Variants in CCDC141 observed in about 807,000 individuals in gnomAD.
CCDC141 encodes the protein coiled-coil domain containing 141.
In CCDC141, 168 loss-of-function variants were observed where a neutral mutation model predicts 181.0. The observed-to-expected ratio is 0.93, with a 90% confidence interval of 0.82 to 1.05. The LOEUF is 1.05. CCDC141 is among the 50% of genes least tolerant of loss of function. The probability of loss-of-function intolerance (pLI) is 0.00; values close to 1 mark genes in which losing one functional copy is unlikely to be tolerated. For synonymous variants in CCDC141, 666 were observed against 642.3 expected, an observed-to-expected ratio of 1.04 and a Z score of -0.56; for missense variants, 1,902 against 1,788.5, an observed-to-expected ratio of 1.06 and a Z score of -1.14.
At chr2:178,954,896 T>C (rs567258019) in intron 5 of CCDC141, among the ~76,000 whole-genome samples, 1 of 152,182 alleles carries the variant, frequency 6.6e-6, no homozygotes, top group South Asian at 2.1e-4. Context: ...TCTGAGAACA[T>C]GATAACTATA....
intron 2 of CCDC141, among the ~76,000 whole-genome samples, chr2:178,999,556 T>C (rs749857886): frequency 2.0e-5 from 3 of 152,140 alleles, no homozygotes. Flanking sequence ...ATGCTGCCAA[T>C]TGATTTTAAG....
At chr2:178,984,001 A>C (rs921184244) in intron 2 of CCDC141, among the ~76,000 whole-genome samples, 5 of 151,512 alleles carry the variant, frequency 3.3e-5, no homozygotes, top group Non-Finnish European at 7.4e-5. Context: ...GCAACTCCAA[A>C]ACACATAATT....
intron 2 of CCDC141, among the ~76,000 whole-genome samples, chr2:179,018,736 A>C (rs2042613687): frequency 6.6e-6 from 1 of 152,136 alleles, no homozygotes; most frequent in Non-Finnish European, 1.5e-5. Flanking sequence ...TACAATTGTG[A>C]GTGAGCTAGT....
chr2:178,999,810 G>C (rs192010123), intron 2 of CCDC141, among the ~76,000 whole-genome samples: 1 of 151,578 alleles, frequency 6.6e-6, no homozygotes, highest in Non-Finnish European at 1.5e-5. Context: ...ATCATCCTTC[G>C]CAACACTATT....
intron 2 of CCDC141, among the ~76,000 whole-genome samples, chr2:179,017,708 T>C (rs1315685793): frequency 1.3e-5 from 2 of 152,176 alleles, no homozygotes; most frequent in Admixed American, 6.6e-5. Context: ...TTTTTAAAAA[T>C]CAGGGCAGTT....
chr2:178,943,370 T>G (rs149757689), intron 6 of CCDC141, among the ~76,000 whole-genome samples: 1 of 152,300 alleles, frequency 6.6e-6, no homozygotes, highest in African/African-American at 2.4e-5. Context: ...CCAAAGACTT[T>G]GAATGCCTAC....
intron 19 of CCDC141, among the ~76,000 whole-genome samples, 198 bp from the exon 20 acceptor site, chr2:178,853,822 A>G (rs1685269288): frequency 1.3e-5 from 2 of 152,262 alleles, no homozygotes; most frequent in Admixed American, 1.3e-4. Context: ...AGAAATAAAT[A>G]CAAATGTGAA....
rs149369061 is a variant in CCDC141 at position 178,949,742 on chromosome 2, C to T, written c.781-5091G>A. Among the ~76,000 whole-genome samples the T allele has an allele frequency of 1.9e-3, 294 of 152,268 alleles. 1 individual carries two copies. The highest frequency in any genetic ancestry group is 6.7e-3 in the African/African-American group (280 of 41,548). ...GGAGTCTCTGAGAGCAAGAAGCCAG[C>T]TGTGGGCAGTGGTGACAGCAAGAGC... On this transcript the variant is annotated intron_variant, in intron 5 of 23. Transcript: ENST00000443758.
chr2:178,901,105 A>G (rs1052623030), intron 8 of CCDC141, among the ~76,000 whole-genome samples: 1 of 152,124 alleles, frequency 6.6e-6, no homozygotes, highest in Non-Finnish European at 1.5e-5. Context: ...GGAGTAACCC[A>G]TAAACAGAAC....
rs150333124 is a variant in CCDC141 at position 178,830,417 on chromosome 2, C to T, written c.*3756G>A. On this transcript the variant is annotated 3_prime_UTR_variant, in exon 24 of 24. Transcript: ENST00000443758. The stretch of plus-strand genomic sequence containing the variant: ...AGTGCTTCATTGTTAGGGCCTGATT[C>T]GGATTGACTCCTGTCTATAAGAAGG... 6.6e-6 allele frequency: 1 copy of T among 152,156 alleles called. No individual in the cohort carries two copies. The highest frequency in any genetic ancestry group is 1.5e-5 in the Non-Finnish European group (1 of 68,052). 9.4% of individuals were successfully genotyped at this position (152,156 alleles called of 1,614,324 possible). A position where few individuals can be genotyped will look rare whatever the true frequency, so the allele number is the denominator to read the frequency against.
At chr2:179,007,538 TC>T (rs2042150114) in intron 2 of CCDC141, among the ~76,000 whole-genome samples, 1 of 152,152 alleles carries the variant, frequency 6.6e-6, no homozygotes, top group African/African-American at 2.4e-5. Context: ...CAGCTCTGTT[TC>T]CCCAATATCC....
intron 13 of CCDC141, among the ~76,000 whole-genome samples, 195 bp from the exon 14 acceptor site, chr2:178,871,747 G>A (rs1379433974): frequency 6.6e-6 from 1 of 151,872 alleles, no homozygotes; most frequent in Non-Finnish European, 1.5e-5. Context: ...TGGTTTTATT[G>A]TGGTAAAATA....
chr2:178,979,877 A>G (rs1408032328), intron 2 of CCDC141, among the ~76,000 whole-genome samples: 2 of 152,202 alleles, frequency 1.3e-5, no homozygotes, highest in East Asian at 3.8e-4. Context: ...TAAAAGTAAT[A>G]ATAAGGCTAC....
intron 2 of CCDC141, among the ~76,000 whole-genome samples, chr2:178,990,105 C>T (rs1691974993): frequency 6.9e-6 from 1 of 145,398 alleles, no homozygotes; most frequent in African/African-American, 2.6e-5. Flanking sequence ...CACCGTTGCA[C>T]TCAAGGCTGG....
intron 7 of CCDC141, among the ~76,000 whole-genome samples, chr2:178,917,535 T>C (rs577445187): frequency 1.3e-5 from 2 of 152,346 alleles, no homozygotes; most frequent in African/African-American, 4.8e-5. Flanking sequence ...GATCACAATG[T>C]ACCTAGGTTC....
rs376424039 is a variant in CCDC141 at position 178,919,980 on chromosome 2, A to C, written c.898-1073T>G. Among the ~76,000 whole-genome samples the C allele has an allele frequency of 9.0e-4, 137 of 152,354 alleles. 5 individuals are homozygous for C. The South Asian group carries it at 0.019, about 21-fold the overall frequency. Reference sequence around the variant, plus strand: ...CTTTTTGTTGCATGAGAATGGAAAAACATTAAACAGAATTAAAATATGAGT... The same window carrying C: ...CTTTTTGTTGCATGAGAATGGAAAACCATTAAACAGAATTAAAATATGAGT... On this transcript the variant is annotated intron_variant, in intron 6 of 23. Coordinates refer to ENST00000443758, the MANE Select transcript of CCDC141 (RefSeq NM_173648.4).
intron 22 of CCDC141, among the ~76,000 whole-genome samples, chr2:178,839,257 C>CA (rs1387368038): frequency 2.6e-5 from 4 of 151,744 alleles, no homozygotes; most frequent in African/African-American, 9.7e-5. Context: ...ACTAAAAATG[C>CA]AAAAAATTAG....
rs530766141 is a variant in CCDC141, at chr2:178,961,285, C to T, written c.725G>A (p.Trp242Ter). ...CTGCAGAACTTGACTCAATTCTTGC[C>T]ACTGTTGCTTCAAGTACTTGTCTAG... ...RQLDKYLKQQ[W>*]QELSQVLQIC... is the part of the protein sequence containing the mutation. Residue 242 changes from tryptophan to a stop codon, truncating the protein, a stop_gained, in exon 5 of 24, where the codon TGG becomes TAG. Coordinates refer to ENST00000443758, the MANE Select transcript of CCDC141 (RefSeq NM_173648.4). LOFTEE classifies it high-confidence loss of function. 4 of 1,550,436 alleles carry T rather than the reference C, an allele frequency of 2.6e-6. No homozygotes were observed. The South Asian group carries it at 4.8e-5, about 18-fold the overall frequency.
chr2:178,942,341 G>T (rs972388988), intron 6 of CCDC141, among the ~76,000 whole-genome samples: 3 of 152,102 alleles, frequency 2.0e-5, no homozygotes, highest in Non-Finnish European at 4.4e-5. Context: ...GAGCTATCAA[G>T]CCATGAAAAG....
Sources: allele counts gnomAD v4.1 joint callset (sites outside exome capture counted in the v4.1 genomes callset), GRCh38; gene constraint gnomAD v4.1.1; transcripts MANE v1.5; gene names NCBI Gene and HGNC (gene_info 2026-07-23, HGNC 2026-07-21).